The following PKIB variants were observed in gnomAD, a reference collection of about 807,000 sequenced individuals.
The protein encoded by PKIB is cAMP-dependent protein kinase inhibitor beta.
A neutral mutation model predicts 4.5 loss-of-function variants in PKIB; 2 were observed. The observed-to-expected ratio is 0.44, with a 90% CI of 0.18 to 1.39. The LOEUF (loss-of-function observed/expected upper bound fraction) is 1.39, where lower values mean the gene tolerates loss of function less well. Among genes scored for constraint, PKIB ranks in the 40% most tolerant of loss-of-function variants. PKIB has a pLI of 0.27. For missense variants in PKIB, 94 were observed against 92.6 expected (o/e 1.02, Z -0.06); for synonymous variants, 38 against 36.0 (o/e 1.06, Z -0.20).
At chr6:122,485,773 T>C (rs1031319291) in intron 2 of PKIB, among the ~76,000 whole-genome samples, 1 of 152,214 alleles carries the variant, frequency 6.6e-6, no homozygotes, top group African/African-American at 2.4e-5. Context: ...TATTGAATGT[T>C]GCATCTGTTG....
At chr6:122,509,975 G>A (rs571371759) in intron 2 of PKIB, among the ~76,000 whole-genome samples, 12 of 151,326 alleles carry the variant, frequency 7.9e-5, no homozygotes, top group Non-Finnish European at 1.6e-4. Flanking sequence ...TACTGTGCAA[G>A]TTGAAATTTT....
chr6:122,676,994 TCTTG>T (rs1190522593), intron 3 of PKIB, among the ~76,000 whole-genome samples: 1 of 152,200 alleles, frequency 6.6e-6, no homozygotes, highest in East Asian at 1.9e-4. Flanking sequence ...GTTTTATAGA[TCTTG>T]AGGTTTTGTC....
intron 2 of PKIB, among the ~76,000 whole-genome samples, chr6:122,500,541 T>C (rs1776200405): frequency 6.6e-6 from 1 of 152,208 alleles, no homozygotes; most frequent in African/African-American, 2.4e-5. Context: ...AACAATGCTG[T>C]CCAAGATTGT....
At position 122,524,919 on chromosome 6, in the gene PKIB, G is replaced by A. The variant is rs148694813; in HGVS notation, c.-248+46980G>A. On this transcript the variant is annotated intron_variant, in intron 2 of 6. Coordinates refer to the PKIB transcript ENST00000392491. Reference sequence around the variant, plus strand: ...TTGATCTTTTGTAAAACATTTTTTCGTTTTGTTGATTTTTTTCCTTTTGTT... The same window carrying A: ...TTGATCTTTTGTAAAACATTTTTTCATTTTGTTGATTTTTTTCCTTTTGTT... Among the ~76,000 whole-genome samples, 340 of 150,420 alleles carry A rather than the reference G, an allele frequency of 2.3e-3. 8 individuals are homozygous for A. The East Asian group carries it at 0.044, about 20-fold the overall frequency.
intron 2 of PKIB, among the ~76,000 whole-genome samples, chr6:122,660,629 C>A (rs1776948163): frequency 4.6e-5 from 7 of 152,182 alleles, no homozygotes; most frequent in Admixed American, 3.9e-4. Flanking sequence ...TAAAAAGTTT[C>A]TGTTTCATTA....
chr6:122,506,037 T>C (rs1562232627), intron 2 of PKIB, among the ~76,000 whole-genome samples: 3 of 152,192 alleles, frequency 2.0e-5, no homozygotes, highest in Admixed American at 1.3e-4. Context: ...ATGACTGTTA[T>C]AAGGCTAAAA....
chr6:122,623,527 T>C (rs1370443705), intron 1 of PKIB, among the ~76,000 whole-genome samples: 1 of 152,206 alleles, frequency 6.6e-6, no homozygotes, highest in Non-Finnish European at 1.5e-5. Flanking sequence ...TCAGTACTTC[T>C]GGCCTTGGGC....
chr6:122,671,208 C>A (rs1777449555), intron 2 of PKIB, among the ~76,000 whole-genome samples: 2 of 151,570 alleles, frequency 1.3e-5, no homozygotes, highest in Admixed American at 6.6e-5. Context: ...AGGAGAATGG[C>A]TTGAACCCAG....
At chr6:122,508,478 G>A (rs1462191306) in intron 2 of PKIB, among the ~76,000 whole-genome samples, 2 of 152,130 alleles carry the variant, frequency 1.3e-5, no homozygotes, top group East Asian at 1.9e-4. Context: ...GGTGTAAGGT[G>A]TGTTATTGAG....
chr6:122,499,762 G>A (rs1776170996), intron 2 of PKIB, among the ~76,000 whole-genome samples: 1 of 152,108 alleles, frequency 6.6e-6, no homozygotes, highest in African/African-American at 2.4e-5. Context: ...AAAAGAAGAA[G>A]CCAAATTTCA....
chr6:122,542,497 G>A lies in PKIB; in HGVS notation c.-247-43424G>A, dbSNP rs1372101870. Among the ~76,000 whole-genome samples, 14 of 152,010 alleles carry A rather than the reference G, an allele frequency of 9.2e-5. No homozygotes were observed. The South Asian group carries it at 1.4e-3, about 16-fold the overall frequency. On this transcript the variant is annotated intron_variant, in intron 2 of 6. Transcript: ENST00000392491. Reference sequence around the variant, plus strand: ...TCAGCAGCGGTGGCTGCAGAACAGCGGTGGCTATAGAACTGCGGTGACTAT... The same window carrying A: ...TCAGCAGCGGTGGCTGCAGAACAGCAGTGGCTATAGAACTGCGGTGACTAT...
rs1365208503 is a variant in PKIB, at chr6:122,725,959, ACT to A, written c.*769_*770del. 6.6e-6 allele frequency: 1 copy of A among 151,746 alleles called. No individual in the cohort carries two copies. The highest frequency in any genetic ancestry group is 1.5e-5 in the Non-Finnish European group (1 of 67,936). The allele number at this position is 151,746 out of a possible 1,614,324, so 9.4% of individuals were successfully genotyped here. On this transcript the variant is annotated 3_prime_UTR_variant, in exon 5 of 5. Coordinates refer to ENST00000368452, the MANE Select transcript of PKIB (RefSeq NM_181795.3). ...TTATACAAAATACTAGTTGTTTTAC[ACT>A]CTCTTTTCTTATTCTTAGGGCTTTT...
rs374731013 is a variant in PKIB at position 122,666,323 on chromosome 6, A to T, written c.-75-8755A>T. On this transcript the variant is annotated intron_variant, in intron 2 of 4. Transcript: ENST00000368452. The stretch of plus-strand genomic sequence containing the variant: ...GAAGAAACTGAAGTTCAAAGGGCTT[A>T]TTGCTTTGTAAGGGCTCATTTAGCT... Among the ~76,000 whole-genome samples, 13 of 152,324 alleles carry T rather than the reference A, an allele frequency of 8.5e-5. No individual in the cohort carries two copies. The East Asian group carries it at 2.5e-3, about 29-fold the overall frequency.
intron 3 of PKIB, among the ~76,000 whole-genome samples, chr6:122,587,598 T>C (rs913677754): frequency 1.3e-5 from 2 of 152,152 alleles, no homozygotes; most frequent in Admixed American, 6.6e-5. Context: ...TGAGGAATTG[T>C]CACACTGACT....
chr6:122,526,160 A>G (rs1777088470), intron 2 of PKIB, among the ~76,000 whole-genome samples: 1 of 152,024 alleles, frequency 6.6e-6, no homozygotes. Context: ...TCCACTTCTA[A>G]TTTTGTTCTC....
At chr6:122,582,417 G>C (rs560761966) in intron 2 of PKIB, among the ~76,000 whole-genome samples, 1 of 151,994 alleles carries the variant, frequency 6.6e-6, no homozygotes, top group Non-Finnish European at 1.5e-5. Context: ...AGAATGATTA[G>C]GAATGACTCC....
chr6:122,551,317 T>A (rs761993169), intron 2 of PKIB, among the ~76,000 whole-genome samples: 1 of 152,156 alleles, frequency 6.6e-6, no homozygotes, highest in Non-Finnish European at 1.5e-5. Flanking sequence ...TTTCTCTTTG[T>A]CTTTGCACTT....
At chr6:122,697,011 C>G (rs1778605543) in intron 3 of PKIB, among the ~76,000 whole-genome samples, 1 of 152,298 alleles carries the variant, frequency 6.6e-6, no homozygotes, top group East Asian at 1.9e-4. Flanking sequence ...TTAGTCATGT[C>G]TACTGATGGC....
intron 2 of PKIB, among the ~76,000 whole-genome samples, chr6:122,578,689 C>G (rs1773617732): frequency 6.6e-6 from 1 of 152,152 alleles, no homozygotes. Context: ...AATAATGTTA[C>G]TCTTGATAGC....
Sources: gnomAD v4.1 joint callset for allele counts (sites outside exome capture counted in the v4.1 genomes callset) on GRCh38, gnomAD v4.1.1 for gene constraint, MANE v1.5 for transcripts, NCBI Gene and HGNC (gene_info 2026-07-23, HGNC 2026-07-21) for gene names.